VRK2: variants seen among roughly 807,000 people sequenced by gnomAD.
VRK2 encodes the protein serine/threonine-protein kinase VRK2.
In VRK2, 60 loss-of-function variants were observed where a neutral mutation model predicts 57.6. The ratio of observed to expected loss-of-function variants is 1.04; its 90% CI spans 0.85 to 1.29. The LOEUF (loss-of-function observed/expected upper bound fraction) is 1.29. VRK2 is among the 50% of genes most tolerant of loss of function. The pLI is 0.00. For missense variants in VRK2, 705 were observed against 588.1 expected (o/e 1.20, Z -2.06); for synonymous variants, 231 against 199.2 (o/e 1.16, Z -1.35).
intron 7 of VRK2, among the ~76,000 whole-genome samples, chr2:58,114,645 G>A (rs375768392): frequency 1.5e-3 from 234 of 152,002 alleles, no homozygotes; most frequent in Non-Finnish European, 2.1e-3. Flanking sequence ...CCTTTAGTCC[G>A]TTCTACTTTT....
chr2:58,018,359 A>G (rs933020066), intron 1 of VRK2, among the ~76,000 whole-genome samples: 2 of 152,196 alleles, frequency 1.3e-5, no homozygotes, highest in Non-Finnish European at 2.9e-5. Flanking sequence ...AAATGAGAGC[A>G]ATTTTTAAAT....
At chr2:58,039,114 C>A (rs568293762) in intron 3 of VRK2, among the ~76,000 whole-genome samples, 1 of 152,214 alleles carries the variant, frequency 6.6e-6, no homozygotes, top group South Asian at 2.1e-4. Context: ...AAGGTATTAT[C>A]TGATTTACGT....
At chr2:58,077,976 C>A (rs1670362704) in intron 2 of VRK2, among the ~76,000 whole-genome samples, 1 of 152,050 alleles carries the variant, frequency 6.6e-6, no homozygotes, top group Non-Finnish European at 1.5e-5. Context: ...CTTAGCTTGC[C>A]CTCTTTCAGA....
At chr2:57,957,197 T>C (rs1671613170) in intron 1 of VRK2, among the ~76,000 whole-genome samples, 1 of 152,174 alleles carries the variant, frequency 6.6e-6, no homozygotes, top group Non-Finnish European at 1.5e-5. Flanking sequence ...AGGAGGCCTA[T>C]ATATACATTG....
At chr2:57,914,148 G>A (rs1223355864) in intron 1 of VRK2, among the ~76,000 whole-genome samples, 1 of 151,760 alleles carries the variant, frequency 6.6e-6, no homozygotes, top group Non-Finnish European at 1.5e-5. Flanking sequence ...TTAAATATAT[G>A]TGCACAATTA....
At chr2:58,151,934 A>G (rs1313744835) in intron 12 of VRK2, among the ~76,000 whole-genome samples, 1 of 150,690 alleles carries the variant, frequency 6.6e-6, no homozygotes, top group Non-Finnish European at 1.5e-5. Context: ...ACTGCAACAG[A>G]GACTGTATGG....
chr2:57,985,890 A>G (rs924870613), intron 1 of VRK2, among the ~76,000 whole-genome samples: 2 of 152,186 alleles, frequency 1.3e-5, no homozygotes, highest in Non-Finnish European at 2.9e-5. Context: ...TATCTTATAT[A>G]TAGTAACAAT....
At chr2:58,001,289 C>A (rs770111878) in intron 1 of VRK2, among the ~76,000 whole-genome samples, 1 of 152,120 alleles carries the variant, frequency 6.6e-6, no homozygotes, top group Non-Finnish European at 1.5e-5. Flanking sequence ...CTTACTTGAA[C>A]AAATACTTGT....
chr2:57,910,110 A>AG (rs1669940836), intron 1 of VRK2, among the ~76,000 whole-genome samples: 1 of 151,238 alleles, frequency 6.6e-6, no homozygotes, highest in Non-Finnish European at 1.5e-5. Flanking sequence ...ATGAAGATAG[A>AG]GGAAAAAAAA....
At chr2:57,942,724 T>C (rs1248406884) in intron 1 of VRK2, among the ~76,000 whole-genome samples, 1 of 152,214 alleles carries the variant, frequency 6.6e-6, no homozygotes. Flanking sequence ...AATGTCTAAA[T>C]GTCCTGCTTC....
At chr2:57,970,747 T>C (rs1029088086) in intron 1 of VRK2, among the ~76,000 whole-genome samples, 3 of 151,926 alleles carry the variant, frequency 2.0e-5, no homozygotes, top group Non-Finnish European at 4.4e-5. Context: ...TGTAAACCCA[T>C]TACTAAATTT....
At chr2:57,984,802 C>A (rs575965050) in intron 1 of VRK2, among the ~76,000 whole-genome samples, 4 of 151,708 alleles carry the variant, frequency 2.6e-5, no homozygotes, top group Non-Finnish European at 4.4e-5. Flanking sequence ...ACTGTTTACC[C>A]CCCAAAAGAA....
intron 2 of VRK2, chr2:58,058,218 A>G: frequency 2.6e-6 from 1 of 377,536 alleles, no homozygotes; most frequent in Non-Finnish European, 5.3e-6. Context: ...CAAAACCCTA[A>G]ATTTAATCAG....
At chr2:58,043,887 A>AT (rs1212054292), upstream of VRK2, among the ~76,000 whole-genome samples, 2 of 152,228 alleles carry the variant, frequency 1.3e-5, no homozygotes, top group African/African-American at 4.8e-5. Flanking sequence ...ACTTATTAGT[A>AT]TTTTTTGAAA....
intron 7 of VRK2, among the ~76,000 whole-genome samples, chr2:58,096,735 G>A (rs1017370716): frequency 6.7e-6 from 1 of 150,334 alleles, no homozygotes; most frequent in African/African-American, 2.4e-5. Context: ...TCTTTATCTT[G>A]TCTTCATATA....
At chr2:58,017,942 A>T (rs896959653) in intron 1 of VRK2, 1 of 152,236 alleles carries the variant, frequency 6.6e-6, no homozygotes, top group Non-Finnish European at 1.5e-5. Context: ...AATAGAGACA[A>T]CAAATATGTA....
At chr2:57,996,629 T>C (rs1672931292) in intron 1 of VRK2, among the ~76,000 whole-genome samples, 3 of 152,172 alleles carry the variant, frequency 2.0e-5, no homozygotes, top group Admixed American at 2.0e-4. Flanking sequence ...ATAATTTCAG[T>C]CAAAATTAGA....
At chr2:58,132,592 A>C (rs2104546009) in intron 9 of VRK2, among the ~76,000 whole-genome samples, 1 of 152,336 alleles carries the variant, frequency 6.6e-6, no homozygotes, top group African/African-American at 2.4e-5. Flanking sequence ...CATAGAGCAC[A>C]GAATAGCCAG....
At chr2:57,948,727 G>A (rs750518147) in intron 1 of VRK2, among the ~76,000 whole-genome samples, 17 of 152,094 alleles carry the variant, frequency 1.1e-4, no homozygotes, top group Non-Finnish European at 2.4e-4. Context: ...TTGGTAAGGT[G>A]AGGATCAAAG....
Sources: gnomAD v4.1 joint callset for allele counts (sites outside exome capture counted in the v4.1 genomes callset) on GRCh38, gnomAD v4.1.1 for gene constraint, MANE v1.5 for transcripts, NCBI Gene and HGNC (gene_info 2026-07-23, HGNC 2026-07-21) for gene names.